Variants in MAP4K4 observed in about 807,000 individuals in gnomAD.
MAP4K4 encodes the protein HPK/GCK-like kinase HGK.
In MAP4K4, 38 loss-of-function variants were observed where a neutral mutation model predicts 189.6. The observed-to-expected ratio is 0.20, with a 90% confidence interval of 0.15 to 0.26. The LOEUF (loss-of-function observed/expected upper bound fraction) is 0.26, where lower values mean the gene tolerates loss of function less well. MAP4K4 is among the 10% of genes least tolerant of loss of function. The pLI, the probability that MAP4K4 is intolerant of heterozygous loss-of-function variation, is 1.00. For synonymous variants in MAP4K4, 610 were observed against 624.3 expected, an observed-to-expected ratio of 0.98 and a Z score of 0.34; for missense variants, 1,054 against 1,726.9, an observed-to-expected ratio of 0.61 and a Z score of 6.91.
chr2:101,862,776 T>A, intron 16 of MAP4K4, among the ~76,000 whole-genome samples: 1 of 152,212 alleles, frequency 6.6e-6, no homozygotes, highest in East Asian at 1.9e-4. Flanking sequence ...CTTAAACATT[T>A]TAGAAGTCTA....
In MAP4K4 at chr2:101,801,796, C is replaced by T. The variant is rs564365608; in HGVS notation, c.180+11020C>T. On this transcript the variant is annotated intron_variant, in intron 3 of 32. Coordinates refer to ENST00000324219, the Ensembl canonical transcript of MAP4K4. ...TCATCAGCATCTCTACTTGGAAGTCCGATAGCCTAAACTCAACATGTCTCA... is the reference window on the plus strand; with the variant it reads ...TCATCAGCATCTCTACTTGGAAGTCTGATAGCCTAAACTCAACATGTCTCA... Among the ~76,000 whole-genome samples the T allele has an allele frequency of 2.6e-5, 4 of 152,238 alleles. No homozygotes were observed. In the South Asian group the frequency reaches 6.2e-4, roughly 24 times the overall value.
chr2:101,804,158 C>G (rs1044167693), intron 3 of MAP4K4, among the ~76,000 whole-genome samples: 1 of 152,170 alleles, frequency 6.6e-6, no homozygotes, highest in Non-Finnish European at 1.5e-5. Flanking sequence ...AGGTCAGACT[C>G]TCTCCCTTGA....
At chr2:101,857,725 C>G (rs1254484254) in intron 13 of MAP4K4, among the ~76,000 whole-genome samples, 1 of 152,080 alleles carries the variant, frequency 6.6e-6, no homozygotes, top group African/African-American at 2.4e-5. Context: ...CTGCCCACAC[C>G]CCCCCAGTTG....
chr2:101,791,170 G>A (rs988792326), intron 3 of MAP4K4, among the ~76,000 whole-genome samples: 10 of 152,144 alleles, frequency 6.6e-5, no homozygotes, highest in African/African-American at 2.4e-4. Flanking sequence ...GGCCACATTT[G>A]TGCCATTTCT....
At chr2:101,753,677 TC>T (rs2070521853) in intron 2 of MAP4K4, among the ~76,000 whole-genome samples, 1 of 152,002 alleles carries the variant, frequency 6.6e-6, no homozygotes, top group African/African-American at 2.4e-5. Context: ...TTTTTTTTTT[TC>T]CTTAGCCCAG....
chr2:101,780,867 G>GTTA (rs1230149246), intron 2 of MAP4K4, among the ~76,000 whole-genome samples: 11 of 152,186 alleles, frequency 7.2e-5, no homozygotes, highest in African/African-American at 2.7e-4. Context: ...TTACTTGGCT[G>GTTA]TTGAATACTG....
At chr2:101,744,048 C>T (rs758448419) in intron 2 of MAP4K4, among the ~76,000 whole-genome samples, 5 of 152,086 alleles carry the variant, frequency 3.3e-5, no homozygotes, top group Admixed American at 1.3e-4. Context: ...CTCTCTATGG[C>T]GATGAGGAAT....
intron 2 of MAP4K4, among the ~76,000 whole-genome samples, chr2:101,730,399 G>T (rs1376630771): frequency 1.3e-5 from 2 of 152,158 alleles, no homozygotes; most frequent in African/African-American, 2.4e-5. Context: ...TGGGGTTGTG[G>T]TAGGGACAGT....
chr2:101,860,235 C>T (rs918969747), intron 15 of MAP4K4: 1 of 311,514 alleles, frequency 3.2e-6, no homozygotes, highest in Non-Finnish European at 6.2e-6. Flanking sequence ...GCTCAACTTT[C>T]TGACTTTGCA....
chr2:101,817,561 A>G (rs1275669442), intron 3 of MAP4K4, among the ~76,000 whole-genome samples: 3 of 152,198 alleles, frequency 2.0e-5, no homozygotes. Flanking sequence ...TTTAGATACC[A>G]GCTGAGTAGT....
intron 2 of MAP4K4, among the ~76,000 whole-genome samples, chr2:101,777,210 A>G (rs1035611206): frequency 6.6e-6 from 1 of 152,204 alleles, no homozygotes; most frequent in African/African-American, 2.4e-5. Context: ...CCCTTTCTCT[A>G]TAATCCAAGC....
chr2:101,699,700 A>C (rs570295270), intron 2 of MAP4K4, among the ~76,000 whole-genome samples: 70 of 151,960 alleles, frequency 4.6e-4, no homozygotes, highest in Non-Finnish European at 8.8e-4. Context: ...TTTATCTATC[A>C]CTTGAACGCC....
chr2:101,735,963 G>T (rs2060126781), intron 2 of MAP4K4, among the ~76,000 whole-genome samples: 1 of 152,160 alleles, frequency 6.6e-6, no homozygotes, highest in South Asian at 2.1e-4. Flanking sequence ...GTTTCCTACA[G>T]CCTTCTATTT....
intron 2 of MAP4K4, among the ~76,000 whole-genome samples, chr2:101,745,387 G>GTGT (rs1325737743): frequency 9.2e-6 from 1 of 108,782 alleles, no homozygotes; most frequent in East Asian, 2.7e-4. Flanking sequence ...TTTAAGCATA[G>GTGT]TGTCTGGTCT....
intron 2 of MAP4K4, among the ~76,000 whole-genome samples, chr2:101,786,196 A>G (rs778638162): frequency 1.3e-5 from 2 of 152,136 alleles, no homozygotes; most frequent in African/African-American, 2.4e-5. Flanking sequence ...GCTCCTCTCT[A>G]TGGGCCAGGG....
exon 18 of MAP4K4, chr2:101,864,986 G>T: frequency 1.3e-6 from 2 of 1,579,134 alleles, no homozygotes; most frequent in Non-Finnish European, 1.7e-6. Flanking sequence ...ATTCCCCACT[G>T]CAGGGCAGTG....
intron 3 of MAP4K4, among the ~76,000 whole-genome samples, chr2:101,816,416 G>A (rs2095717192): frequency 6.6e-6 from 1 of 152,170 alleles, no homozygotes; most frequent in South Asian, 2.1e-4. Context: ...CTTTAGAGCT[G>A]TACTCCTTGT....
At chr2:101,840,216 C>A (rs551145775) in intron 10 of MAP4K4, among the ~76,000 whole-genome samples, 6 of 152,088 alleles carry the variant, frequency 3.9e-5, no homozygotes, top group African/African-American at 1.4e-4. Context: ...GCAAATAGAT[C>A]GGCATTGCGA....
At position 101,864,732 on chromosome 2, in the gene MAP4K4, T is replaced by G. The variant is rs192739289; in HGVS notation, c.2098-198T>G. 1.3e-3 allele frequency among the ~76,000 whole-genome samples: 195 copies of G among 152,324 alleles called. 1 individual carries two copies. The highest frequency in any genetic ancestry group is 4.6e-3 in the African/African-American group (191 of 41,566). The stretch of plus-strand genomic sequence containing the variant: ...CATAGAAAGCCTGTTTGTACTGGCT[T>G]CTTGGATGCTTGTGACTAAATTTTC... On this transcript the variant is annotated intron_variant, in intron 17 of 32. Coordinates refer to ENST00000324219, the Ensembl canonical transcript of MAP4K4.
Sources: allele counts gnomAD v4.1 joint callset (sites outside exome capture counted in the v4.1 genomes callset), GRCh38; gene constraint gnomAD v4.1.1; transcripts MANE v1.5; gene names NCBI Gene and HGNC (gene_info 2026-07-23, HGNC 2026-07-21).